Variants in SMARCB1 observed in about 807,000 individuals in gnomAD.
SMARCB1 encodes the protein SWI/SNF related BAF chromatin remodeling complex subunit B1.
Under a neutral mutation model 49.0 loss-of-function variants are expected in SMARCB1, and 5 were observed. The observed-to-expected ratio is 0.10, with a 90% CI of 0.05 to 0.21. SMARCB1 has a LOEUF of 0.21. Among genes scored for constraint, SMARCB1 ranks in the 10% least tolerant of loss-of-function variants. The probability of loss-of-function intolerance (pLI) is 1.00; values close to 1 mark genes in which losing one functional copy is unlikely to be tolerated. For synonymous variants in SMARCB1, 201 were observed against 200.1 expected, an observed-to-expected ratio of 1.00 and a Z score of -0.04; for missense variants, 226 against 509.2, an observed-to-expected ratio of 0.44 and a Z score of 5.35.
chr22:23,836,937 CT>C lies in SMARCB1; in HGVS notation c.*2758del. 1 of 1,577,254 alleles carries C rather than the reference CT, an allele frequency of 6.3e-7. No individual in the cohort carries two copies. Among genetic ancestry groups the C allele is most frequent in the South Asian group, 1.2e-5 (1 of 85,294 alleles). ...GGGAGGGGCAGGTAATTGGGGTCTT[CT>C]GCAGGGGCATCCAGGAGCAGCTTTC... On this transcript the variant is annotated 3_prime_UTR_variant, in exon 9 of 9. Coordinates refer to ENST00000644036, the MANE Select transcript of SMARCB1 (RefSeq NM_003073.5).
chr22:23,824,457 C>T (rs1321813422), intron 6 of SMARCB1: 2 of 152,858 alleles, frequency 1.3e-5, no homozygotes, highest in East Asian at 1.9e-4. Context: ...CCCGAAGTGT[C>T]CATCCTATTC....
chr22:23,794,006 G>T (rs1315583324), intron 3 of SMARCB1, among the ~76,000 whole-genome samples: 1 of 151,978 alleles, frequency 6.6e-6, no homozygotes, highest in Non-Finnish European at 1.5e-5. Flanking sequence ...GTGCAATGGC[G>T]TGATCTCAGC....
At chr22:23,825,539 G>C (rs2030338764) in intron 7 of SMARCB1, 124 bp downstream of exon 7, 1 of 858,580 alleles carries the variant, frequency 1.2e-6, no homozygotes, top group African/African-American at 1.7e-5. Flanking sequence ...ATCTGGCTGG[G>C]GTCTGTGTGT....
Position 23,787,303 on chromosome 22 carries a change from C to A in SMARCB1, c.93+41C>A. On this transcript the variant is annotated intron_variant, in intron 1 of 8. Transcript: ENST00000644036. ...TTCTCGCCCTCCCCGGGCTCGGCCC[C>A]GCGGGAGCCCCGGGGCGGGCCCATG... 9 of 1,299,318 alleles carry A rather than the reference C, an allele frequency of 6.9e-6. 1 individual carries two copies. The highest frequency in any genetic ancestry group is 9.9e-6 in the Non-Finnish European group (9 of 910,710). 80.5% of individuals were successfully genotyped at this position (1,299,318 alleles called of 1,614,324 possible). A position where few individuals can be genotyped will look rare whatever the true frequency, so the allele number is the denominator to read the frequency against.
chr22:23,801,924 A>G (rs1039849178), intron 4 of SMARCB1: 2 of 160,624 alleles, frequency 1.2e-5, no homozygotes, highest in South Asian at 1.7e-4. Flanking sequence ...AGACCTCTCC[A>G]TCTCGGCGCG....
At chr22:23,825,017 G>A (rs2030306111) in intron 6 of SMARCB1, 8 of 614,610 alleles carry the variant, frequency 1.3e-5, no homozygotes, top group South Asian at 9.5e-5. Flanking sequence ...ACTGTGCTGG[G>A]CCCTGAGCCA....
chr22:23,788,798 T>C (rs1392936705), intron 1 of SMARCB1, among the ~76,000 whole-genome samples: 2 of 151,988 alleles, frequency 1.3e-5, no homozygotes, highest in Admixed American at 1.3e-4. Flanking sequence ...TCACACTGAG[T>C]CCCATGGATG....
At chr22:23,817,070 C>T (rs1601423058) in intron 6 of SMARCB1, 134 bp downstream of exon 6, 2 of 725,302 alleles carry the variant, frequency 2.8e-6, no homozygotes, top group African/African-American at 3.5e-5. Context: ...AGTCATAACA[C>T]CTGGCTTTGC....
At chr22:23,806,072 T>G (rs951592129) in intron 5 of SMARCB1, among the ~76,000 whole-genome samples, 2 of 152,182 alleles carry the variant, frequency 1.3e-5, no homozygotes, top group African/African-American at 2.4e-5. Flanking sequence ...GTACTCAGCT[T>G]TTATTTGGTG....
intron 7 of SMARCB1, among the ~76,000 whole-genome samples, chr22:23,830,862 T>C (rs1235586361): frequency 6.6e-6 from 1 of 152,108 alleles, no homozygotes; most frequent in East Asian, 1.9e-4. Flanking sequence ...GGTTTCACCA[T>C]GTTGGCCAGG....
chr22:23,801,374 A>G (rs1308971882), intron 4 of SMARCB1: 4 of 677,522 alleles, frequency 5.9e-6, no homozygotes, highest in East Asian at 5.7e-5. Flanking sequence ...TCAGTTTCAC[A>G]TGAGTGGGCC....
intron 7 of SMARCB1, among the ~76,000 whole-genome samples, chr22:23,831,601 G>A (rs2030659906): frequency 6.6e-6 from 1 of 152,116 alleles, no homozygotes; most frequent in Non-Finnish European, 1.5e-5. Flanking sequence ...TGGTTGGTGC[G>A]AGCATTTCTT....
chr22:23,806,082 G>C (rs1244250772), intron 5 of SMARCB1, among the ~76,000 whole-genome samples: 1 of 152,258 alleles, frequency 6.6e-6, no homozygotes, highest in Non-Finnish European at 1.5e-5. Context: ...TTTATTTGGT[G>C]AACATTGCTG....
At chr22:23,813,581 ATT>A (rs903653195) in intron 5 of SMARCB1, among the ~76,000 whole-genome samples, 9 of 152,324 alleles carry the variant, frequency 5.9e-5, no homozygotes, top group African/African-American at 2.2e-4. Context: ...CCAACAAAAC[ATT>A]TACAGGACTT....
intron 7 of SMARCB1, among the ~76,000 whole-genome samples, chr22:23,830,725 G>C (rs2030614587): frequency 7.6e-6 from 1 of 131,464 alleles, no homozygotes; most frequent in Non-Finnish European, 1.5e-5. Context: ...GTAGTGCTGT[G>C]ATCTTGGCTC....
chr22:23,801,540 C>G, intron 4 of SMARCB1: 3 of 378,014 alleles, frequency 7.9e-6, no homozygotes, highest in Non-Finnish European at 1.0e-5. Flanking sequence ...GATTTAGTTT[C>G]ACTAGACCAG....
At chr22:23,801,116 G>C (rs985462369) in intron 4 of SMARCB1, 35 bp downstream of exon 4, 1 of 1,614,192 alleles carries the variant, frequency 6.2e-7, no homozygotes, top group Non-Finnish European at 8.5e-7. Flanking sequence ...CCTCCGTGCT[G>C]ATTCCGCCTT....
chr22:23,805,639 G>T (rs1260018744), intron 5 of SMARCB1, among the ~76,000 whole-genome samples: 6 of 152,166 alleles, frequency 3.9e-5, no homozygotes, highest in Non-Finnish European at 8.8e-5. Flanking sequence ...CCGAGTAGCT[G>T]GGATTACAGG....
At chr22:23,803,586 C>A in intron 5 of SMARCB1, 164 bp downstream of exon 5, 1 of 798,454 alleles carries the variant, frequency 1.3e-6, no homozygotes, top group South Asian at 1.5e-5. Flanking sequence ...AGTCCTGGTT[C>A]TGTTGCTGTT....
Sources: gnomAD v4.1 joint callset for allele counts (sites outside exome capture counted in the v4.1 genomes callset) on GRCh38, gnomAD v4.1.1 for gene constraint, MANE v1.5 for transcripts, NCBI Gene and HGNC (gene_info 2026-07-23, HGNC 2026-07-21) for gene names.